The following RAB3GAP2 variants were observed in gnomAD, a reference collection of about 807,000 sequenced individuals.
RAB3GAP2 encodes the protein RAB3 GTPase activating non-catalytic protein subunit 2.
RAB3GAP2 carries 87 observed loss-of-function variants against 185.3 expected under a neutral mutation model. That is an observed-to-expected ratio of 0.47 (90% CI 0.39 to 0.56). RAB3GAP2 has a LOEUF of 0.56. Among genes scored for constraint, RAB3GAP2 ranks in the 20% least tolerant of loss-of-function variants. RAB3GAP2 has a pLI of 0.00. For missense variants in RAB3GAP2, 1,492 were observed against 1,638.2 expected, an observed-to-expected ratio of 0.91 and a Z score of 1.54; for synonymous variants, 554 against 576.1, an observed-to-expected ratio of 0.96 and a Z score of 0.55.
At chr1:220,222,066 A>G (rs904376435) in intron 2 of RAB3GAP2, among the ~76,000 whole-genome samples, 1 of 152,236 alleles carries the variant, frequency 6.6e-6, no homozygotes, top group African/African-American at 2.4e-5. Flanking sequence ...CTGTCAGCAC[A>G]TTCTCTGTAA....
rs535153124 is a variant in RAB3GAP2 at position 220,210,410 on chromosome 1, C to T, written c.590G>A (p.Arg197Gln). Residue 197 changes from arginine (R) to glutamine (Q), a missense_variant, in exon 7 of 35, where the codon CGA (arginine) becomes CAA (glutamine). Physicochemically the swap from Arg to Gln is conservative, Grantham distance 43 (BLOSUM62 1). This residue lies in a region of RAB3GAP2 where 243 missense variants were observed against 314.8 expected (regional missense o/e 0.77). Transcript: ENST00000358951. The stretch of plus-strand genomic sequence containing the variant: ...TACCTGCTCAGTCACGCCGGGATGT[C>T]GTGGTATTTCATAGGTTCTGCATTT... Reference protein sequence around the residue: ...QLKCRTYEIPRHPGVTEQNEE... With the variant: ...QLKCRTYEIPQHPGVTEQNEE... The T allele has an allele frequency of 1.2e-5, 19 of 1,613,956 alleles. No homozygotes were observed. Among genetic ancestry groups the T allele is most frequent in the East Asian group, 2.2e-5 (1 of 44,876 alleles).
intron 23 of RAB3GAP2, 91 bp downstream of exon 23, chr1:220,171,798 C>CA: frequency 1.3e-6 from 2 of 1,519,702 alleles, no homozygotes; most frequent in Admixed American, 1.7e-5. Context: ...CTCCCCGCTC[C>CA]AAAAAACCCC....
intron 1 of RAB3GAP2, among the ~76,000 whole-genome samples, chr1:220,269,972 G>A (rs1378637434): frequency 6.6e-6 from 1 of 152,094 alleles, no homozygotes; most frequent in African/African-American, 2.4e-5. Context: ...TCACAGCCAA[G>A]CTCCTTGAAA....
At chr1:220,189,917 C>A in intron 16 of RAB3GAP2, 147 bp downstream of exon 16, 1 of 1,051,914 alleles carries the variant, frequency 9.5e-7, no homozygotes, top group Non-Finnish European at 1.4e-6. Context: ...TGAATTATAA[C>A]ACCCTCTAGA....
intron 13 of RAB3GAP2, 33 bp downstream of exon 13, chr1:220,193,207 T>C (rs780647161): frequency 6.2e-7 from 1 of 1,611,882 alleles, no homozygotes; most frequent in East Asian, 2.2e-5. Flanking sequence ...AAAAAGTGAA[T>C]TAATTGTTTT....
chr1:220,155,686 G>A (rs564267376), intron 31 of RAB3GAP2, among the ~76,000 whole-genome samples: 21 of 152,212 alleles, frequency 1.4e-4, no homozygotes, highest in Middle Eastern at 3.4e-3. Context: ...TGGTAGCACC[G>A]GGATTGTTTT....
intron 31 of RAB3GAP2, among the ~76,000 whole-genome samples, 194 bp downstream of exon 31, chr1:220,157,067 AGCTGAGAGG>A (rs1183585121): frequency 6.6e-6 from 1 of 152,174 alleles, no homozygotes. Context: ...AAGAGCAGAC[AGCTGAGAGG>A]GCAAAACTCC....
chr1:220,153,051 TTGTTCTATTTTTATACCTAGA>T, intron 33 of RAB3GAP2, 113 bp downstream of exon 33: 2 of 721,794 alleles, frequency 2.8e-6, no homozygotes, highest in Non-Finnish European at 4.9e-6. Flanking sequence ...AAATATTCTA[TTGTTCTATTTTTATACCTAGA>T]TGTTCTAATA....
chr1:220,211,008 A>G lies in RAB3GAP2; in HGVS notation c.387-6T>C, dbSNP rs1659076297. 6.2e-7 allele frequency: 1 copy of G among 1,612,468 alleles called. No homozygotes were observed. Among genetic ancestry groups the G allele is most frequent in the Non-Finnish European group, 8.5e-7 (1 of 1,179,386 alleles). On this transcript the variant is annotated splice_polypyrimidine_tract_variant and splice_region_variant and intron_variant, in intron 4 of 34. Coordinates refer to ENST00000358951, the MANE Select transcript of RAB3GAP2 (RefSeq NM_012414.4). Reference sequence around the variant, plus strand: ...GAGCACTGGTTACACATTCCCTAAAAACAAAAACAAAATCATATGCTTACC... The same window carrying G: ...GAGCACTGGTTACACATTCCCTAAAGACAAAAACAAAATCATATGCTTACC...
Position 220,212,959 on chromosome 1 carries a change from T to C in RAB3GAP2, c.314A>G (p.Lys105Arg). ...TTCTTCCTTTCCTTTATCACTATAT[T>C]TCCATTTTGCTGTAAGAATTAAGAT... Reference protein sequence around the residue: ...QKAVFLVPKWKYSDKGKEEMQ... With the variant: ...QKAVFLVPKWRYSDKGKEEMQ... Residue 105 changes from lysine (K) to arginine (R), a missense_variant, in exon 4 of 35, where the codon AAA (lysine) becomes AGA (arginine). By Grantham distance (26) the Lys-to-Arg change is conservative (BLOSUM62 2). Coordinates refer to ENST00000358951, the MANE Select transcript of RAB3GAP2 (RefSeq NM_012414.4). 6.2e-7 allele frequency: 1 copy of C among 1,610,238 alleles called. No homozygotes were observed. Among genetic ancestry groups the C allele is most frequent in the Non-Finnish European group, 8.5e-7 (1 of 1,177,060 alleles).
intron 21 of RAB3GAP2, among the ~76,000 whole-genome samples, chr1:220,180,707 G>A (rs191596894): frequency 6.6e-5 from 10 of 152,182 alleles, no homozygotes; most frequent in African/African-American, 2.4e-4. Flanking sequence ...TTGGAGAGGA[G>A]GGAATACTTC....
At chr1:220,178,909 T>C (rs1176382477) in intron 21 of RAB3GAP2, among the ~76,000 whole-genome samples, 1 of 151,932 alleles carries the variant, frequency 6.6e-6, no homozygotes, top group Non-Finnish European at 1.5e-5. Context: ...GAGGAGATAA[T>C]AGCTTAGGCC....
chr1:220,210,610 T>G, intron 6 of RAB3GAP2, 121 bp from the exon 7 acceptor site: 2 of 984,334 alleles, frequency 2.0e-6, no homozygotes, highest in East Asian at 4.9e-5. Flanking sequence ...TACACTCTTT[T>G]CAGAATACAG....
rs147145574 is a variant in RAB3GAP2 at position 220,270,751 on chromosome 1, T to C, written c.115+1472A>G. Among the ~76,000 whole-genome samples the C allele has an allele frequency of 5.0e-3, 756 of 152,336 alleles. 3 individuals are homozygous for C. Among genetic ancestry groups the C allele is most frequent in the African/African-American group, 0.017 (713 of 41,576 alleles). ...TCTTCCAATCTCTCCTCCACTTTGC[T>C]ACCAGAGCACATTACAGGTCTTCAA... On this transcript the variant is annotated intron_variant, in intron 1 of 34. Transcript: ENST00000358951.
intron 27 of RAB3GAP2, among the ~76,000 whole-genome samples, chr1:220,163,366 A>ATT (rs1315429896): frequency 1.4e-4 from 19 of 139,204 alleles, no homozygotes; most frequent in Non-Finnish European, 2.0e-4. Context: ...TAGTAACTTA[A>ATT]TTTTTTTTTT....
intron 1 of RAB3GAP2, among the ~76,000 whole-genome samples, chr1:220,234,175 A>G (rs758169450): frequency 2.0e-5 from 3 of 152,222 alleles, no homozygotes; most frequent in South Asian, 2.1e-4. Context: ...ACCAGATAGC[A>G]TACTAAAGTC....
intron 28 of RAB3GAP2, among the ~76,000 whole-genome samples, chr1:220,159,629 A>G (rs1266852595): frequency 6.6e-6 from 1 of 152,222 alleles, no homozygotes; most frequent in African/African-American, 2.4e-5. Flanking sequence ...GGGCTCAAGA[A>G]TAATCCTTTT....
In RAB3GAP2 at chr1:220,267,509, G is replaced by A. The variant is rs75939080; in HGVS notation, c.115+4714C>T. The A allele has an allele frequency of 7.0e-5, 99 of 1,409,378 alleles. 3 individuals are homozygous for A. The East Asian group carries it at 1.9e-3, about 26-fold the overall frequency. 87.3% of individuals were successfully genotyped at this position (1,409,378 alleles called of 1,614,324 possible). ...CCAAACTTTCCTTTACCCGGAGGGC[G>A]ACCAATTTCAAGGTCTTCCAAAGCC... On this transcript the variant is annotated intron_variant, in intron 1 of 34. Coordinates refer to ENST00000358951, the MANE Select transcript of RAB3GAP2 (RefSeq NM_012414.4).
rs112796872 is a variant in RAB3GAP2, at chr1:220,251,127, C to T, written c.116-18264G>A. On this transcript the variant is annotated intron_variant, in intron 1 of 34. Coordinates refer to ENST00000358951, the MANE Select transcript of RAB3GAP2 (RefSeq NM_012414.4). ...AGTTAACATGGTAAAAACAGCATCT[C>T]GAATTAGTAGGAAGTTGATGAATTA... Among the ~76,000 whole-genome samples the T allele has an allele frequency of 6.6e-5, 10 of 152,202 alleles. No homozygotes were observed. In the East Asian group the frequency reaches 1.2e-3, roughly 18 times the overall value.
Sources: gnomAD v4.1 joint callset for allele counts (sites outside exome capture counted in the v4.1 genomes callset) on GRCh38, gnomAD v4.1.1 for gene constraint, gnomAD v4.1.1 regional missense constraint, MANE v1.5 for transcripts, NCBI Gene and HGNC (gene_info 2026-07-23, HGNC 2026-07-21) for gene names.